DOCK4: variants seen among roughly 807,000 people sequenced by gnomAD.
DOCK4 encodes dedicator of cytokinesis 4, also known as dedicator of cytokinesis protein 4.
Under a neutral mutation model 268.1 loss-of-function variants are expected in DOCK4, and 97 were observed. The observed-to-expected ratio is 0.36, with a 90% confidence interval of 0.31 to 0.43. DOCK4 has a LOEUF of 0.43. Among genes scored for constraint, DOCK4 ranks in the 20% least tolerant of loss-of-function variants. The probability of loss-of-function intolerance (pLI) is 1.00; values close to 1 mark genes in which losing one functional copy is unlikely to be tolerated. For missense variants in DOCK4, 2,145 were observed against 2,455.7 expected (o/e 0.87, Z 2.67); for synonymous variants, 954 against 887.2 (o/e 1.08, Z -1.34).
chr7:111,906,186 G>C (rs1459289186), intron 13 of DOCK4, among the ~76,000 whole-genome samples: 5 of 152,096 alleles, frequency 3.3e-5, no homozygotes, highest in African/African-American at 9.7e-5. Flanking sequence ...AAGGAAGGTA[G>C]TAGTCCTGTG....
intron 25 of DOCK4, among the ~76,000 whole-genome samples, chr7:111,839,584 C>T (rs2134053068): frequency 6.6e-6 from 1 of 152,264 alleles, no homozygotes; most frequent in Non-Finnish European, 1.5e-5. Context: ...ATGATTTTGT[C>T]ATATCTGACT....
In DOCK4 at chr7:111,747,300, A is replaced by T; in HGVS notation, c.4560T>A (p.Ala1520=). Residue 1520 remains alanine, a synonymous_variant, in exon 43 of 53, where the codon GCT becomes GCA. Coordinates refer to ENST00000428084, the MANE Select transcript of DOCK4 (RefSeq NM_001363540.2). The part of the protein sequence containing the change: ...LTMCLNGVID[A]AVNGGVSRYQ... ...ACCTGGAAACGCCACCATTAACTGC[A>T]GCATCTATAACTCCATTCAGGCACA... 5 of 1,613,610 alleles carry T rather than the reference A, an allele frequency of 3.1e-6. No homozygotes were observed. The highest frequency in any genetic ancestry group is 4.2e-6 in the Non-Finnish European group (5 of 1,179,740).
intron 1 of DOCK4, among the ~76,000 whole-genome samples, chr7:112,017,375 A>G (rs537730699): frequency 6.6e-6 from 1 of 152,338 alleles, no homozygotes; most frequent in African/African-American, 2.4e-5. Flanking sequence ...GCTACCTCAT[A>G]ATAGCCTACT....
chr7:111,872,992 T>C (rs974868247), intron 17 of DOCK4, among the ~76,000 whole-genome samples: 2 of 152,224 alleles, frequency 1.3e-5, no homozygotes, highest in East Asian at 3.8e-4. Context: ...CCTGCTTTAT[T>C]CCCGTTTGGG....
intron 16 of DOCK4, among the ~76,000 whole-genome samples, chr7:111,890,385 T>A (rs1392833450): frequency 6.6e-6 from 1 of 152,202 alleles, no homozygotes; most frequent in Non-Finnish European, 1.5e-5. Context: ...ATTAGCGAAC[T>A]AGCAATTCCA....
rs1434387706 is a variant in DOCK4 at position 111,726,284 on chromosome 7, A to T, written c.*1990T>A. 6.5e-6 allele frequency: 1 copy of T among 152,684 alleles called. No homozygotes were observed. The highest frequency in any genetic ancestry group is 1.5e-5 in the Non-Finnish European group (1 of 68,048). 9.5% of individuals were successfully genotyped at this position (152,684 alleles called of 1,614,324 possible). A position where few individuals can be genotyped will look rare whatever the true frequency, so the allele number is the denominator to read the frequency against. ...TCACTGCCAAAATTTTTTTTAAAAA[A>T]TGGCTCCAAGAGCAAATAACACTGA... On this transcript the variant is annotated 3_prime_UTR_variant, in exon 53 of 53. Transcript: ENST00000428084.
intron 10 of DOCK4, 40 bp from the exon 11 acceptor site, chr7:111,940,282 T>G (rs1443803011): frequency 6.2e-7 from 1 of 1,613,264 alleles, no homozygotes; most frequent in Admixed American, 1.7e-5. Flanking sequence ...ATGGAGCCAT[T>G]TGATTAGATG....
intron 1 of DOCK4, among the ~76,000 whole-genome samples, chr7:112,070,592 A>G (rs948291596): frequency 3.3e-5 from 5 of 152,216 alleles, no homozygotes; most frequent in African/African-American, 9.6e-5. Flanking sequence ...CCTGAAGCCC[A>G]GGAAAAAGGC....
chr7:111,904,399 T>C (rs1791389673), intron 13 of DOCK4, among the ~76,000 whole-genome samples: 1 of 151,410 alleles, frequency 6.6e-6, no homozygotes, highest in Non-Finnish European at 1.5e-5. Flanking sequence ...ATAGGCACTG[T>C]GGATAAAAGT....
At chr7:112,152,979 A>T (rs1401511957) in intron 1 of DOCK4, among the ~76,000 whole-genome samples, 2 of 152,332 alleles carry the variant, frequency 1.3e-5, no homozygotes, top group South Asian at 4.1e-4. Flanking sequence ...ACATGTAACA[A>T]ATAGGATCAG....
chr7:111,758,671 C>T lies in DOCK4; in HGVS notation c.4282G>A (p.Asp1428Asn). 6.2e-7 allele frequency: 1 copy of T among 1,613,990 alleles called. No homozygotes were observed. The highest frequency in any genetic ancestry group is 8.5e-7 in the Non-Finnish European group (1 of 1,179,882). Reference protein sequence around the residue: ...KVNHIWKFRYDRPFHKGTKDK... With the variant: ...KVNHIWKFRYNRPFHKGTKDK... Reference sequence around the variant, plus strand: ...TTTGTGCCTTTGTGAAATGGTCGGTCATAGCGGAATTTCCAGATGTGATTC... The same window carrying T: ...TTTGTGCCTTTGTGAAATGGTCGGTTATAGCGGAATTTCCAGATGTGATTC... The change falls in exon 41 of 53, where the codon GAC (aspartate) becomes AAC (asparagine). Residue 1428 changes from aspartate to asparagine, a missense_variant. Transcript: ENST00000428084.
At position 111,778,383 on chromosome 7, in the gene DOCK4, G is replaced by T; in HGVS notation, c.3586-14C>A. 1 of 1,539,948 alleles carries T rather than the reference G, an allele frequency of 6.5e-7. No individual in the cohort carries two copies. The highest frequency in any genetic ancestry group is 9.0e-7 in the Non-Finnish European group (1 of 1,113,336). ...CTTATAGAAGTTCTGTAAAAAAAGAGTACAGGTATGGATAGTTCCTCAACA... is the reference window on the plus strand; with the variant it reads ...CTTATAGAAGTTCTGTAAAAAAAGATTACAGGTATGGATAGTTCCTCAACA... On this transcript the variant is annotated splice_polypyrimidine_tract_variant and intron_variant, in intron 35 of 52. Coordinates refer to ENST00000428084, the MANE Select transcript of DOCK4 (RefSeq NM_001363540.2).
chr7:112,012,969 C>T (rs545317367), intron 1 of DOCK4, among the ~76,000 whole-genome samples: 1 of 152,086 alleles, frequency 6.6e-6, no homozygotes, highest in Non-Finnish European at 1.5e-5. Flanking sequence ...CAGGCCAGCC[C>T]AGTATCATGA....
intron 7 of DOCK4, among the ~76,000 whole-genome samples, chr7:111,978,348 T>C (rs1359097375): frequency 6.6e-6 from 1 of 152,152 alleles, no homozygotes; most frequent in Non-Finnish European, 1.5e-5. Flanking sequence ...CCTCCTGCCT[T>C]GGCCTCCAGA....
chr7:111,973,156 C>CGCATATATATATATATATATATATATAT (rs990863473), intron 8 of DOCK4, among the ~76,000 whole-genome samples: 3 of 114,046 alleles, frequency 2.6e-5, no homozygotes, highest in African/African-American at 1.1e-4. Flanking sequence ...TATTCCATGG[C>CGCATATATATATATATATATATATATAT]ATATATATAT....
chr7:112,075,019 G>A (rs1194181531), intron 1 of DOCK4, among the ~76,000 whole-genome samples: 1 of 152,128 alleles, frequency 6.6e-6, no homozygotes, highest in East Asian at 1.9e-4. Flanking sequence ...TTTCTACCTA[G>A]CTAACAATTC....
intron 1 of DOCK4, among the ~76,000 whole-genome samples, chr7:112,021,668 CT>C (rs1460934566): frequency 1.3e-5 from 2 of 152,246 alleles, no homozygotes; most frequent in Non-Finnish European, 2.9e-5. Flanking sequence ...TTTTCCCCAT[CT>C]TTCAACAGCT....
chr7:111,783,661 C>CA (rs1459195347), intron 34 of DOCK4, among the ~76,000 whole-genome samples, 196 bp downstream of exon 34: 2 of 150,864 alleles, frequency 1.3e-5, no homozygotes, highest in African/African-American at 2.4e-5. Flanking sequence ...AACAAAGCAA[C>CA]AAAAAACAAA....
chr7:112,056,280 G>A (rs1563040175), intron 1 of DOCK4, among the ~76,000 whole-genome samples: 1 of 152,140 alleles, frequency 6.6e-6, no homozygotes, highest in Non-Finnish European at 1.5e-5. Flanking sequence ...GGTTGATAGA[G>A]TTAGGTCCAC....
Sources: allele counts gnomAD v4.1 joint callset (sites outside exome capture counted in the v4.1 genomes callset), GRCh38; gene constraint gnomAD v4.1.1; transcripts MANE v1.5; gene names NCBI Gene and HGNC (gene_info 2026-07-23, HGNC 2026-07-21).